The following CHRNA7 variants were observed in gnomAD, a reference collection of about 807,000 sequenced individuals.
CHRNA7 encodes the protein neuronal acetylcholine receptor subunit alpha-7.
A neutral mutation model predicts 48.0 loss-of-function variants in CHRNA7; 17 were observed. The ratio of observed to expected loss-of-function variants is 0.35; its 90% confidence interval spans 0.24 to 0.53. The LOEUF (loss-of-function observed/expected upper bound fraction) is 0.53, where lower values mean the gene tolerates loss of function less well. CHRNA7 is among the 20% of genes least tolerant of loss of function. The pLI is 0.92. For synonymous variants in CHRNA7, 75 were observed against 242.3 expected (o/e 0.31, Z 6.41); for missense variants, 155 against 577.7 (o/e 0.27, Z 7.50).
chr15:32,053,327 C>A (rs1027127328), intron 2 of CHRNA7, among the ~76,000 whole-genome samples: 6 of 151,942 alleles, frequency 3.9e-5, no homozygotes, highest in Admixed American at 3.3e-4. Context: ...TGGAGGAAGG[C>A]CAACGAAAAT....
chr15:32,112,671 A>C (rs758326858), intron 4 of CHRNA7, among the ~76,000 whole-genome samples: 3 of 152,152 alleles, frequency 2.0e-5, no homozygotes, highest in Non-Finnish European at 4.4e-5. Context: ...CATGACCGCT[A>C]CCTTTGGTCA....
At chr15:32,099,490 T>C (rs2050534034) in intron 2 of CHRNA7, 1 of 152,204 alleles carries the variant, frequency 6.6e-6, no homozygotes, top group South Asian at 2.1e-4. Flanking sequence ...CAGTGTTCTC[T>C]AATGGGGTTT....
Position 32,058,973 on chromosome 15 carries a change from A to ATT in CHRNA7, c.195+27939_195+27940dup, listed in dbSNP as rs540751159. Among the ~76,000 whole-genome samples the ATT allele has an allele frequency of 2.4e-4, 37 of 151,824 alleles. No homozygotes were observed. In the South Asian group the frequency reaches 4.8e-3, roughly 20 times the overall value. On this transcript the variant is annotated intron_variant, in intron 2 of 9. Coordinates refer to ENST00000306901, the MANE Select transcript of CHRNA7 (RefSeq NM_000746.6). ...GACTGTACCTGTCTAGGCAGAGAAC[A>ATT]TTTTGGGACCTGAACCCAGGTCTTC...
chr15:32,129,240 A>G (rs556317016), intron 4 of CHRNA7, among the ~76,000 whole-genome samples: 33 of 151,810 alleles, frequency 2.2e-4, no homozygotes, highest in Admixed American at 2.0e-3. Context: ...AATTTTTTCT[A>G]CTGTCTTTGT....
At chr15:32,050,621 C>T (rs963545129) in intron 2 of CHRNA7, among the ~76,000 whole-genome samples, 1 of 152,254 alleles carries the variant, frequency 6.6e-6, no homozygotes, top group Admixed American at 6.5e-5. Context: ...GTAGTTTGGT[C>T]GTCTGAAGCC....
intron 2 of CHRNA7, among the ~76,000 whole-genome samples, chr15:32,073,595 T>C (rs2050090945): frequency 6.6e-6 from 1 of 152,176 alleles, no homozygotes; most frequent in Admixed American, 6.5e-5. Flanking sequence ...AAATCTCATG[T>C]TGAAATGTGA....
At chr15:32,034,078 A>G (rs1901970933) in intron 2 of CHRNA7, among the ~76,000 whole-genome samples, 2 of 152,246 alleles carry the variant, frequency 1.3e-5, no homozygotes, top group Non-Finnish European at 1.5e-5. Flanking sequence ...TAAAAAGTAA[A>G]TCCAAAATTA....
At chr15:32,143,804 A>G (rs1173964751) in intron 4 of CHRNA7, among the ~76,000 whole-genome samples, 3 of 151,918 alleles carry the variant, frequency 2.0e-5, no homozygotes, top group Non-Finnish European at 2.9e-5. Flanking sequence ...TTTTGAGCCT[A>G]TGTGTGTCTC....
chr15:32,055,860 T>A (rs1006035894), intron 2 of CHRNA7, among the ~76,000 whole-genome samples: 1 of 151,998 alleles, frequency 6.6e-6, no homozygotes, highest in African/African-American at 2.4e-5. Context: ...GCGCCTGTAG[T>A]CCCAGCTGCT....
chr15:32,141,293 G>T (rs1205748228), intron 4 of CHRNA7, among the ~76,000 whole-genome samples: 1 of 152,102 alleles, frequency 6.6e-6, no homozygotes, highest in Non-Finnish European at 1.5e-5. Context: ...CTCTGTTTTG[G>T]TACCAGTACC....
intron 2 of CHRNA7, among the ~76,000 whole-genome samples, chr15:32,090,033 G>T (rs1381797328): frequency 6.6e-6 from 1 of 152,190 alleles, no homozygotes; most frequent in African/African-American, 2.4e-5. Flanking sequence ...GGGGTGGTAG[G>T]TGGGGATGAG....
intron 2 of CHRNA7, among the ~76,000 whole-genome samples, chr15:32,055,939 G>T (rs892446356): frequency 2.0e-5 from 3 of 151,618 alleles, no homozygotes; most frequent in Non-Finnish European, 4.4e-5. Flanking sequence ...AGATCATGCC[G>T]CTGCACTCCA....
At chr15:32,069,281 A>G (rs1008639946) in intron 2 of CHRNA7, among the ~76,000 whole-genome samples, 3 of 152,226 alleles carry the variant, frequency 2.0e-5, no homozygotes, top group Admixed American at 2.0e-4. Flanking sequence ...ATACAACCTA[A>G]TTTAAGAAAG....
At chr15:32,151,445 T>C (rs1037940474) in intron 4 of CHRNA7, among the ~76,000 whole-genome samples, 7 of 151,880 alleles carry the variant, frequency 4.6e-5, no homozygotes, top group Non-Finnish European at 7.3e-5. Context: ...TTTAATGTTC[T>C]TGAAAACCCC....
At chr15:32,082,264 T>A (rs1475904328) in intron 2 of CHRNA7, among the ~76,000 whole-genome samples, 1 of 152,172 alleles carries the variant, frequency 6.6e-6, no homozygotes, top group African/African-American at 2.4e-5. Context: ...ATTTGTGAAG[T>A]GTTGGTCATT....
At chr15:32,099,611 G>C (rs2050536439) in intron 2 of CHRNA7, 1 of 152,222 alleles carries the variant, frequency 6.6e-6, no homozygotes, top group Admixed American at 6.5e-5. Context: ...GCAATTAAAA[G>C]AAGGAAAGGC....
intron 4 of CHRNA7, among the ~76,000 whole-genome samples, chr15:32,142,709 G>A (rs1257862387): frequency 6.6e-6 from 1 of 152,150 alleles, no homozygotes. Context: ...TTTGTATAGA[G>A]GTGTTTATAG....
At position 32,122,329 on chromosome 15, in the gene CHRNA7, G is replaced by A. The variant is rs192032988; in HGVS notation, c.350+10430G>A. ...AAATAAGTAAGTTCTGATTGTGTGGGGCAGGGATGTAGGGTATGGGTCCTA... is the reference window on the plus strand; with the variant it reads ...AAATAAGTAAGTTCTGATTGTGTGGAGCAGGGATGTAGGGTATGGGTCCTA... On this transcript the variant is annotated intron_variant, in intron 4 of 9. Coordinates refer to ENST00000306901, the MANE Select transcript of CHRNA7 (RefSeq NM_000746.6). 2.6e-5 allele frequency among the ~76,000 whole-genome samples: 4 copies of A among 152,214 alleles called. No homozygotes were observed. The East Asian group carries it at 7.7e-4, about 29-fold the overall frequency.
chr15:32,088,586 A>T (rs1357916093), intron 2 of CHRNA7, among the ~76,000 whole-genome samples: 3 of 152,162 alleles, frequency 2.0e-5, no homozygotes, highest in African/African-American at 7.2e-5. Flanking sequence ...CCATCCTCCC[A>T]GCAATTGGTA....
Sources: gnomAD v4.1 joint callset for allele counts (sites outside exome capture counted in the v4.1 genomes callset) on GRCh38, gnomAD v4.1.1 for gene constraint, MANE v1.5 for transcripts, NCBI Gene and HGNC (gene_info 2026-07-23, HGNC 2026-07-21) for gene names.